The following RPS27A variants were observed in gnomAD, a reference collection of about 807,000 sequenced individuals.
RPS27A encodes the protein ubiquitin-ribosomal protein eS31 fusion protein.
In RPS27A, 1 loss-of-function variant was observed where a neutral mutation model predicts 18.9. The ratio of observed to expected loss-of-function variants is 0.05; its 90% CI spans 0.02 to 0.25. RPS27A has a LOEUF of 0.25. Among genes scored for constraint, RPS27A ranks in the 10% least tolerant of loss-of-function variants. The pLI, the probability that RPS27A is intolerant of heterozygous loss-of-function variation, is 1.00. For missense variants in RPS27A, 123 were observed against 187.4 expected, an observed-to-expected ratio of 0.66 and a Z score of 2.01; for synonymous variants, 77 against 63.7, an observed-to-expected ratio of 1.21 and a Z score of -0.99.
chr2:55,233,236 G>A (rs1474701135), intron 2 of RPS27A, 127 bp from the exon 3 acceptor site: 6 of 819,728 alleles, frequency 7.3e-6, no homozygotes, highest in African/African-American at 5.1e-5. Flanking sequence ...CACTGGGTGG[G>A]TAATAGGTCT....
chr2:55,234,536 G>A (rs1675695324), intron 4 of RPS27A: 1 of 545,312 alleles, frequency 1.8e-6, no homozygotes, highest in Non-Finnish European at 3.3e-6. Context: ...AGGGAAAATG[G>A]CATTCGAATA....
rs759005331 is a variant in RPS27A, at chr2:55,235,277, A to G, written c.322-151A>G. The G allele has an allele frequency of 3.6e-5, 32 of 885,342 alleles. 1 individual carries two copies. Among genetic ancestry groups the G allele is most frequent in the South Asian group, 8.5e-5 (6 of 70,690 alleles). 54.8% of individuals were successfully genotyped at this position (885,342 alleles called of 1,614,324 possible). A position where few individuals can be genotyped will look rare whatever the true frequency, so the allele number is the denominator to read the frequency against. On this transcript the variant is annotated intron_variant, in intron 5 of 5. Coordinates refer to ENST00000272317, the MANE Select transcript of RPS27A (RefSeq NM_002954.6). ...ACTTCTGAATGTTTTCATTGTAGCA[A>G]TGATAACTGGTGAGAATTTAGGGTG...
Position 55,233,190 on chromosome 2 carries a change from G to A in RPS27A, c.49-173G>A, listed in dbSNP as rs1242189909. On this transcript the variant is annotated intron_variant, in intron 2 of 5. Coordinates refer to ENST00000272317, the MANE Select transcript of RPS27A (RefSeq NM_002954.6). ...GCCGCCCGCTCTGGGCTGGGGAGAT[G>A]AAGGTGCTTTCCGGTAGCCGACTTG... 3 of 703,710 alleles carry A rather than the reference G, an allele frequency of 4.3e-6. No individual in the cohort carries two copies. In the South Asian group the frequency reaches 4.7e-5, roughly 11 times the overall value. 43.6% of individuals were successfully genotyped at this position (703,710 alleles called of 1,614,324 possible). A position where few individuals can be genotyped will look rare whatever the true frequency, so the allele number is the denominator to read the frequency against.
upstream of RPS27A, chr2:55,232,630 G>A (rs1020505096): frequency 1.2e-5 from 8 of 663,944 alleles, no homozygotes; most frequent in Non-Finnish European, 1.9e-5. Flanking sequence ...GGTCGCCTAA[G>A]GGGTGGGTCC....
chr2:55,234,978 GGCAGAAT>G lies in RPS27A; in HGVS notation c.321+18_321+24del. The stretch of plus-strand genomic sequence containing the variant: ...ATATTATAAGGTGAGCCAGTTAAAG[GGCAGAAT>G]GTCAGCAAAGTCTTGGCTTATTTGG... On this transcript the variant is annotated intron_variant, in intron 5 of 5. Transcript: ENST00000272317. The G allele has an allele frequency of 6.2e-7, 1 of 1,612,186 alleles. No individual in the cohort carries two copies. The highest frequency in any genetic ancestry group is 8.5e-7 in the Non-Finnish European group (1 of 1,179,488).
At chr2:55,234,689 A>G (rs989150597) in intron 4 of RPS27A, 142 bp from the exon 5 acceptor site, 26 of 901,460 alleles carry the variant, frequency 2.9e-5, no homozygotes, top group Middle Eastern at 3.2e-4. Flanking sequence ...TAAGAATCTG[A>G]TACTTTATTG....
intron 3 of RPS27A, chr2:55,233,764 G>T (rs1234986602): frequency 2.1e-6 from 1 of 469,526 alleles, no homozygotes; most frequent in Non-Finnish European, 3.9e-6. Flanking sequence ...TATTAGTGGG[G>T]ATTACAGGCG....
chr2:55,234,989 A>G, intron 5 of RPS27A, 27 bp downstream of exon 5: 4 of 1,611,442 alleles, frequency 2.5e-6, no homozygotes, highest in South Asian at 1.1e-5. Context: ...GCAGAATGTC[A>G]GCAAAGTCTT....
Position 55,235,219 on chromosome 2 carries a change from C to G in RPS27A, c.322-209C>G, listed in dbSNP as rs111632525. On this transcript the variant is annotated intron_variant, in intron 5 of 5. Transcript: ENST00000272317. The stretch of plus-strand genomic sequence containing the variant: ...GGTCTTTACCTTTGTCTACCACTTG[C>G]AAAGCTGGCCTTTAGTGTTCAAAAG... The G allele has an allele frequency of 1.9e-4, 130 of 700,646 alleles. 1 individual carries two copies. In the African/African-American group the frequency reaches 2.0e-3, roughly 11 times the overall value. The allele number at this position is 700,646 out of a possible 1,614,324, so 43.4% of individuals were successfully genotyped here.
chr2:55,235,693 A>G lies in RPS27A; in HGVS notation c.*116A>G, dbSNP rs1162213589. The G allele has an allele frequency of 3.4e-6, 4 of 1,188,516 alleles. No individual in the cohort carries two copies. The highest frequency in any genetic ancestry group is 1.5e-5 in the African/African-American group (1 of 66,728). The allele number at this position is 1,188,516 out of a possible 1,614,324, so 73.6% of individuals were successfully genotyped here. ...CACACCATTTCCTTTTAGTAGTGCT[A>G]CTGCTATCGCTGTGTGAATGTTGCC... On this transcript the variant is annotated 3_prime_UTR_variant, in exon 6 of 6. Coordinates refer to ENST00000272317, the MANE Select transcript of RPS27A (RefSeq NM_002954.6).
At chr2:55,235,271 G>T in intron 5 of RPS27A, 157 bp from the exon 6 acceptor site, 1 of 853,126 alleles carries the variant, frequency 1.2e-6, no homozygotes, top group Non-Finnish European at 1.9e-6. Context: ...TGTTTTCATT[G>T]TAGCAATGAT....
At position 55,235,737 on chromosome 2, in the gene RPS27A, C is replaced by T; in HGVS notation, c.*160C>T. The T allele has an allele frequency of 1.2e-6, 1 of 839,584 alleles. No homozygotes were observed. The highest frequency in any genetic ancestry group is 1.9e-6 in the Non-Finnish European group (1 of 523,050). 52.0% of individuals were successfully genotyped at this position (839,584 alleles called of 1,614,324 possible). A position where few individuals can be genotyped will look rare whatever the true frequency, so the allele number is the denominator to read the frequency against. ...TGTTGCCTCTGGGGATTATGTGACC[C>T]AGTGGTTCTGTATACCTGCCAGGTG... On this transcript the variant is annotated 3_prime_UTR_variant, in exon 6 of 6. Transcript: ENST00000272317.
intron 3 of RPS27A, chr2:55,233,662 C>T (rs1261560407): frequency 9.4e-6 from 5 of 533,882 alleles, no homozygotes; most frequent in African/African-American, 7.6e-5. Flanking sequence ...ATGGAGTCTC[C>T]TCTGTCGCCC....
intron 3 of RPS27A, 33 bp downstream of exon 3, chr2:55,233,450 C>CCTGCGGAGACTT (rs1303263834): frequency 6.5e-7 from 1 of 1,543,398 alleles, no homozygotes; most frequent in Admixed American, 1.7e-5. Context: ...GAAAACTTAA[C>CCTGCGGAGACTT]CTGCGGAGAC....
chr2:55,234,288 CTGACTCTGT>C (rs751564772), intron 4 of RPS27A, 84 bp downstream of exon 4: 1 of 961,652 alleles, frequency 1.0e-6, no homozygotes, highest in Non-Finnish European at 1.7e-6. Flanking sequence ...GAGACAGGCT[CTGACTCTGT>C]CACCTAGGGT....
chr2:55,233,955 G>A (rs1573829543), intron 3 of RPS27A, 164 bp from the exon 4 acceptor site: 8 of 681,624 alleles, frequency 1.2e-5, no homozygotes, highest in Non-Finnish European at 2.2e-5. Flanking sequence ...TATTAAATGC[G>A]GTAAAATGTG....
upstream of RPS27A, chr2:55,231,985 C>T (rs1035835330): frequency 1.3e-5 from 2 of 152,260 alleles, no homozygotes; most frequent in Non-Finnish European, 2.9e-5. Flanking sequence ...GGCTGAACCC[C>T]CGCTTCCGCA....
chr2:55,235,671 A>T lies in RPS27A; in HGVS notation c.*94A>T. On this transcript the variant is annotated 3_prime_UTR_variant, in exon 6 of 6. Transcript: ENST00000272317. Reference sequence around the variant, plus strand: ...TTTTAAGCACCAAATTGATGGTCACACCATTTCCTTTTAGTAGTGCTACTG... The same window carrying T: ...TTTTAAGCACCAAATTGATGGTCACTCCATTTCCTTTTAGTAGTGCTACTG... The T allele has an allele frequency of 7.2e-7, 1 of 1,390,330 alleles. No individual in the cohort carries two copies. The highest frequency in any genetic ancestry group is 1.0e-6 in the Non-Finnish European group (1 of 992,234). 86.1% of individuals were successfully genotyped at this position (1,390,330 alleles called of 1,614,324 possible). A position where few individuals can be genotyped will look rare whatever the true frequency, so the allele number is the denominator to read the frequency against.
Position 55,234,104 on chromosome 2 carries a change from GTT to G in RPS27A, c.104-10_104-9del. On this transcript the variant is annotated splice_polypyrimidine_tract_variant and intron_variant, in intron 3 of 5. Transcript: ENST00000272317. ...CTTGGTGTGCTGTGACTTAATTTTTGTTTTTTGTCATTAGGAATTCCTCCTGA... is the reference window on the plus strand; with the variant it reads ...CTTGGTGTGCTGTGACTTAATTTTTGTTTTGTCATTAGGAATTCCTCCTGA... The G allele has an allele frequency of 6.2e-7, 1 of 1,605,958 alleles. No individual in the cohort carries two copies. Among genetic ancestry groups the G allele is most frequent in the South Asian group, 1.1e-5 (1 of 90,902 alleles).
Sources: allele counts gnomAD v4.1 joint callset, GRCh38; gene constraint gnomAD v4.1.1; transcripts MANE v1.5; gene names NCBI Gene and HGNC (gene_info 2026-07-23, HGNC 2026-07-21).